The following NPAS4 variants were observed in gnomAD, a reference collection of about 807,000 sequenced individuals.
The protein encoded by NPAS4 is neuronal PAS domain-containing protein 4.
NPAS4 carries 10 observed loss-of-function variants against 64.0 expected under a neutral mutation model. That is an observed-to-expected ratio of 0.16 (90% CI 0.10 to 0.26). The LOEUF is 0.26. Among genes scored for constraint, NPAS4 ranks in the 10% least tolerant of loss-of-function variants. NPAS4 has a pLI of 1.00. For missense variants in NPAS4, 886 were observed against 992.6 expected (o/e 0.89, Z 1.44); for synonymous variants, 441 against 411.7 (o/e 1.07, Z -0.86).
chr11:66,416,368 C>T (rs142198718), upstream of NPAS4, among the ~76,000 whole-genome samples: 17 of 152,234 alleles, frequency 1.1e-4, no homozygotes, highest in Admixed American at 3.9e-4. Context: ...AAGCCAAGCA[C>T]GGGAGGAAAC....
Position 66,423,249 on chromosome 11 carries a change from G to C in NPAS4, c.808+17G>C. The C allele has an allele frequency of 6.5e-7, 1 of 1,535,192 alleles. No homozygotes were observed. Among genetic ancestry groups the C allele is most frequent in the Middle Eastern group, 1.7e-4 (1 of 5,950 alleles). On this transcript the variant is annotated intron_variant, in intron 5 of 7. Transcript: ENST00000311034. ...ACCGCCTGTGTGAGTGTCCAGAGAG[G>C]CTGGGGACAAGATAGCAAGCTGGGA...
At chr11:66,411,748 G>A in the NPAS4 span, among the ~76,000 whole-genome samples, 4 of 152,202 alleles carry the variant, frequency 2.6e-5, no homozygotes, top group Non-Finnish European at 5.9e-5. Flanking sequence ...GCGTTCCCCA[G>A]CATGGGGAGC....
At chr11:66,415,148 C>T in the NPAS4 span, among the ~76,000 whole-genome samples, 2 of 152,174 alleles carry the variant, frequency 1.3e-5, no homozygotes, top group Non-Finnish European at 1.5e-5. Context: ...AATGGGGTAC[C>T]CTGCCTCCTC....
intron 1 of NPAS4, among the ~76,000 whole-genome samples, chr11:66,421,643 C>T (rs1167692802): frequency 6.6e-6 from 1 of 152,240 alleles, no homozygotes; most frequent in Non-Finnish European, 1.5e-5. Context: ...AGAAGCGCTC[C>T]GGGAGCCGGG....
chr11:66,416,056 C>G (rs1428599810), upstream of NPAS4, among the ~76,000 whole-genome samples: 1 of 152,172 alleles, frequency 6.6e-6, no homozygotes, highest in African/African-American at 2.4e-5. Flanking sequence ...GAGCTATGAT[C>G]AGGCCACTGC....
Position 66,422,861 on chromosome 11 carries a change from C to T in NPAS4, c.618C>T (p.Gly206=). 2 of 1,612,894 alleles carry T rather than the reference C, an allele frequency of 1.2e-6. No homozygotes were observed. Among genetic ancestry groups the T allele is most frequent in the South Asian group, 1.1e-5 (1 of 91,086 alleles). The part of the protein sequence containing the change: ...EPRPRPGPGP[G]PGPASLFLAM... ...GACCCCGCCCAGGTCCTGGCCCTGG[C>T]CCTGGCCCTGCCTCGCTCTTCCTGG... Residue 206 remains glycine (G), a synonymous_variant, in exon 4 of 8, where the codon GGC becomes GGT. Transcript: ENST00000311034.
rs1856795216 is a variant in NPAS4 at position 66,423,901 on chromosome 11, G to T, written c.1011G>T (p.Leu337=). The T allele has an allele frequency of 6.2e-7, 1 of 1,614,004 alleles. No homozygotes were observed. The highest frequency in any genetic ancestry group is 1.7e-5 in the Admixed American group (1 of 59,994). Residue 337 remains leucine, a synonymous_variant, in exon 7 of 8, where the codon CTG becomes CTT. Transcript: ENST00000311034. ...NSEDTQAAYV[L]GTPTMLPSFP... ...AAGACACCCAGGCAGCTTATGTCCT[G>T]GGCACTCCGACCATGCTGCCCTCAT... is the stretch of plus-strand genomic sequence containing the variant.
rs1187420338 is a variant in NPAS4, at chr11:66,424,075, A to G, written c.1185A>G (p.Lys395=). Residue 395 remains lysine (K), a synonymous_variant, in exon 7 of 8, where the codon AAA becomes AAG. Transcript: ENST00000311034. ...CAGAAGAGCTTCCCCGACCCTCCAA[A>G]GAACTGGACTTCAGTTACCTGACAT... ...SASEELPRPS[K]ELDFSYLTFP... is the part of the protein sequence containing the mutation. The G allele has an allele frequency of 6.2e-7, 1 of 1,614,022 alleles. No individual in the cohort carries two copies.
intron 7 of NPAS4, among the ~76,000 whole-genome samples, chr11:66,425,513 G>T (rs1856826582): frequency 6.6e-6 from 1 of 152,080 alleles, no homozygotes; most frequent in East Asian, 1.9e-4. Context: ...TTAAGTAAGG[G>T]CTTGTGCTTA....
upstream of NPAS4, among the ~76,000 whole-genome samples, chr11:66,416,608 C>A (rs1009322345): frequency 1.3e-5 from 2 of 152,182 alleles, no homozygotes; most frequent in African/African-American, 4.8e-5. Context: ...GCAGCACCAC[C>A]AATTGCATCA....
chr11:66,413,721 C>T, the NPAS4 span, among the ~76,000 whole-genome samples: 1 of 152,230 alleles, frequency 6.6e-6, no homozygotes, highest in African/African-American at 2.4e-5. Flanking sequence ...TCAACACTGA[C>T]TTGCCACCAG....
At position 66,424,967 on chromosome 11, in the gene NPAS4, G is replaced by A; in HGVS notation, c.2077G>A (p.Glu693Lys). The change falls in exon 7 of 8, where the codon GAG (glutamate) becomes AAG (lysine). Residue 693 changes from glutamate to lysine, a missense_variant. Physicochemically the swap from Glu to Lys is moderately conservative, Grantham distance 56. Transcript: ENST00000311034. ...GGACCTGAAACCCTGGAAATGCCAG[G>A]AGCTGGACTTCCTGGCTGACCCTGA... ...SLDLKPWKCQ[E>K]LDFLADPDNM... The A allele has an allele frequency of 6.2e-7, 1 of 1,614,158 alleles. No homozygotes were observed. The highest frequency in any genetic ancestry group is 8.5e-7 in the Non-Finnish European group (1 of 1,180,036).
At chr11:66,416,344 C>G (rs1028257227), upstream of NPAS4, among the ~76,000 whole-genome samples, 1 of 152,114 alleles carries the variant, frequency 6.6e-6, no homozygotes, top group African/African-American at 2.4e-5. Flanking sequence ...CCCAAGTGAC[C>G]CCATTTCTGT....
chr11:66,409,663 G>C, the NPAS4 span, among the ~76,000 whole-genome samples: 2 of 152,190 alleles, frequency 1.3e-5, no homozygotes, highest in African/African-American at 4.8e-5. Flanking sequence ...AGTAGTGATT[G>C]ACTAGGGCCA....
chr11:66,413,279 CACCCCAGGAGAGAGA>C, the NPAS4 span, among the ~76,000 whole-genome samples: 1 of 152,220 alleles, frequency 6.6e-6, no homozygotes, highest in South Asian at 2.1e-4. Context: ...GAGGCAGCAG[CACCCCAGGAGAGAGA>C]ACAGCATGTG....
In NPAS4 at chr11:66,423,903, G is replaced by A; in HGVS notation, c.1013G>A (p.Gly338Asp). The A allele has an allele frequency of 6.2e-7, 1 of 1,614,052 alleles. No homozygotes were observed. The highest frequency in any genetic ancestry group is 1.1e-5 in the South Asian group (1 of 91,078). Residue 338 changes from glycine to aspartate, a missense_variant, in exon 7 of 8, where the codon GGC becomes GAC. Physicochemically the swap from Gly to Asp is moderately conservative, Grantham distance 94 (BLOSUM62 -1). This residue lies in a region of NPAS4 where 820 missense variants were observed against 855.5 expected (regional missense o/e 0.96). Coordinates refer to ENST00000311034, the MANE Select transcript of NPAS4 (RefSeq NM_178864.4). Reference sequence around the variant, plus strand: ...GACACCCAGGCAGCTTATGTCCTGGGCACTCCGACCATGCTGCCCTCATTC... The same window carrying A: ...GACACCCAGGCAGCTTATGTCCTGGACACTCCGACCATGCTGCCCTCATTC... ...SEDTQAAYVL[G>D]TPTMLPSFPE... is the part of the protein sequence containing the mutation.
rs941840204 is a variant in NPAS4, at chr11:66,424,572, A to C, written c.1682A>C (p.Tyr561Ser). The C allele has an allele frequency of 6.2e-7, 1 of 1,613,988 alleles. No homozygotes were observed. Among genetic ancestry groups the C allele is most frequent in the Non-Finnish European group, 8.5e-7 (1 of 1,180,032 alleles). The part of the protein sequence containing the change: ...EQLSPNPTKT[Y>S]FAQEGCSFLY... ...CTGAGCCCCAACCCTACCAAGACTT[A>C]CTTTGCCCAGGAGGGATGCAGTTTT... Residue 561 changes from tyrosine (Y) to serine (S), a missense_variant, in exon 7 of 8, where the codon TAC (tyrosine) becomes TCC (serine). Physicochemically the swap from Tyr to Ser is moderately radical, Grantham distance 144. This residue lies in a region of NPAS4 where 820 missense variants were observed against 855.5 expected (regional missense o/e 0.96). Transcript: ENST00000311034.
In NPAS4 at chr11:66,426,111, C is replaced by G. The variant is rs1856835233; in HGVS notation, c.*122C>G. 1 of 661,090 alleles carries G rather than the reference C, an allele frequency of 1.5e-6. No individual in the cohort carries two copies. Among genetic ancestry groups the G allele is most frequent in the East Asian group, 3.0e-5 (1 of 33,250 alleles). The allele number at this position is 661,090 out of a possible 1,614,324, so 41.0% of individuals were successfully genotyped here. A position where few individuals can be genotyped will look rare whatever the true frequency, so the allele number is the denominator to read the frequency against. ...GCCAGAGGGGGATATATATGATTCC[C>G]CAGGCCCTGCAGGATTTTGGGGGGG... On this transcript the variant is annotated 3_prime_UTR_variant, in exon 8 of 8. Transcript: ENST00000311034.
chr11:66,425,215 G>T lies in NPAS4; in HGVS notation c.2325G>T (p.Gly775=), dbSNP rs780780487. 4.0e-5 allele frequency: 61 copies of T among 1,541,210 alleles called. No homozygotes were observed. The highest frequency in any genetic ancestry group is 5.1e-5 in the Non-Finnish European group (59 of 1,150,552). Residue 775 remains glycine, a synonymous_variant, in exon 7 of 8, where the codon GGG becomes GGT. Coordinates refer to ENST00000311034, the MANE Select transcript of NPAS4 (RefSeq NM_178864.4). ...GTGTCTCAGCATTCCCCTATGATGG[G>T]TTTACTGATGAGTTGCATCAACTCC... ...ETGVSAFPYD[G]FTDELHQLQS... is the part of the protein sequence containing the mutation.
Sources: gnomAD v4.1 joint callset for allele counts (sites outside exome capture counted in the v4.1 genomes callset) on GRCh38, gnomAD v4.1.1 for gene constraint, gnomAD v4.1.1 regional missense constraint, MANE v1.5 for transcripts, NCBI Gene and HGNC (gene_info 2026-07-23, HGNC 2026-07-21) for gene names.